Variants in CXCL13 observed in about 807,000 individuals in gnomAD.
CXCL13 encodes the protein C-X-C motif chemokine ligand 13.
CXCL13 carries 7 observed loss-of-function variants against 12.2 expected under a neutral mutation model. The observed-to-expected ratio is 0.57, with a 90% CI of 0.33 to 1.07. The LOEUF (loss-of-function observed/expected upper bound fraction) is 1.07, where lower values mean the gene tolerates loss of function less well. Ranked by LOEUF, CXCL13 falls within the 50% of genes least tolerant of loss-of-function variation. The probability of loss-of-function intolerance (pLI) is 0.04; values close to 1 mark genes in which losing one functional copy is unlikely to be tolerated. For synonymous variants in CXCL13, 47 were observed against 42.4 expected, an observed-to-expected ratio of 1.11 and a Z score of -0.42; for missense variants, 113 against 127.4, an observed-to-expected ratio of 0.89 and a Z score of 0.55.
At chr4:77,558,216 C>T (rs1165032390) in intron 1 of CXCL13, among the ~76,000 whole-genome samples, 4 of 152,226 alleles carry the variant, frequency 2.6e-5, no homozygotes. Flanking sequence ...AGCAACTTAA[C>T]CCTAGGTATA....
At chr4:77,597,078 A>G (rs748727368) in intron 1 of CXCL13, among the ~76,000 whole-genome samples, 1 of 152,222 alleles carries the variant, frequency 6.6e-6, no homozygotes, top group Non-Finnish European at 1.5e-5. Context: ...AGCATATTGC[A>G]TAATCTCACT....
intron 1 of CXCL13, among the ~76,000 whole-genome samples, chr4:77,553,954 A>T (rs1186521827): frequency 1.3e-5 from 2 of 152,222 alleles, no homozygotes; most frequent in Non-Finnish European, 2.9e-5. Context: ...CTGATGCCAC[A>T]TGGAAGAGGA....
intron 1 of CXCL13, among the ~76,000 whole-genome samples, chr4:77,598,620 A>C (rs1171656014): frequency 6.6e-6 from 1 of 152,216 alleles, no homozygotes; most frequent in Non-Finnish European, 1.5e-5. Flanking sequence ...AAGATGCCTC[A>C]TGAGAGATGC....
At chr4:77,588,736 C>G (rs1416134956) in intron 1 of CXCL13, among the ~76,000 whole-genome samples, 1 of 152,130 alleles carries the variant, frequency 6.6e-6, no homozygotes, top group East Asian at 1.9e-4. Flanking sequence ...TTCTCTGGTT[C>G]TTTTCCTGGA....
intron 1 of CXCL13, among the ~76,000 whole-genome samples, chr4:77,575,624 A>G (rs574956077): frequency 2.6e-5 from 4 of 151,910 alleles, no homozygotes; most frequent in South Asian, 4.2e-4. Context: ...AAGGACATGA[A>G]TGCATCTTTT....
At chr4:77,518,942 G>A (rs1389539374) in intron 1 of CXCL13, among the ~76,000 whole-genome samples, 1 of 152,270 alleles carries the variant, frequency 6.6e-6, no homozygotes, top group South Asian at 2.1e-4. Flanking sequence ...TTTGGACTTT[G>A]ATGATGGTGA....
At chr4:77,610,005 G>A (rs191158187) in intron 2 of CXCL13, among the ~76,000 whole-genome samples, 11 of 152,342 alleles carry the variant, frequency 7.2e-5, no homozygotes, top group African/African-American at 1.2e-4. Flanking sequence ...AGTGCCTGGT[G>A]TGTTATAAGT....
intron 1 of CXCL13, among the ~76,000 whole-genome samples, chr4:77,549,555 C>A (rs985411926): frequency 4.6e-5 from 7 of 152,206 alleles, no homozygotes; most frequent in African/African-American, 1.7e-4. Context: ...TGGTGCTATT[C>A]CTTTCTGTTT....
At chr4:77,565,592 G>A (rs1051549763) in intron 1 of CXCL13, among the ~76,000 whole-genome samples, 13 of 152,144 alleles carry the variant, frequency 8.5e-5, no homozygotes, top group African/African-American at 3.1e-4. Context: ...TTCCTTTCAG[G>A]TAGGAGCCAG....
intron 1 of CXCL13, among the ~76,000 whole-genome samples, chr4:77,541,387 C>T (rs1348819690): frequency 1.3e-5 from 2 of 151,668 alleles, no homozygotes; most frequent in African/African-American, 4.8e-5. Flanking sequence ...AATTTGGGGT[C>T]TTACATTTAA....
At position 77,611,323 on chromosome 4, in the gene CXCL13, A is replaced by G; in HGVS notation, c.*284A>G. ...TAATACAGGATTATTTTGATTATAT[A>G]CTTGTTGTTTAATGTTTAAAATTTC... On this transcript the variant is annotated 3_prime_UTR_variant, in exon 4 of 4. Coordinates refer to ENST00000682537, the MANE Select transcript of CXCL13 (RefSeq NM_001371558.1). The G allele has an allele frequency of 2.7e-6, 1 of 366,836 alleles. No individual in the cohort carries two copies. The highest frequency in any genetic ancestry group is 4.8e-6 in the Non-Finnish European group (1 of 207,440). The allele number at this position is 366,836 out of a possible 1,614,324, so 22.7% of individuals were successfully genotyped here. A position where few individuals can be genotyped will look rare whatever the true frequency, so the allele number is the denominator to read the frequency against.
intron 1 of CXCL13, among the ~76,000 whole-genome samples, chr4:77,544,474 G>C (rs1379150852): frequency 6.6e-6 from 1 of 152,144 alleles, no homozygotes; most frequent in Non-Finnish European, 1.5e-5. Context: ...TTGTGGTTTT[G>C]ATTTGCATTT....
chr4:77,544,479 G>A (rs1725301278), intron 1 of CXCL13, among the ~76,000 whole-genome samples: 1 of 152,154 alleles, frequency 6.6e-6, no homozygotes, highest in African/African-American at 2.4e-5. Context: ...GTTTTGATTT[G>A]CATTTCTCTG....
chr4:77,575,301 A>AT (rs1262873914), intron 1 of CXCL13, among the ~76,000 whole-genome samples: 1 of 151,906 alleles, frequency 6.6e-6, no homozygotes, highest in East Asian at 1.9e-4. Flanking sequence ...CAACTTTTTT[A>AT]TTTTTTTATT....
intron 1 of CXCL13, among the ~76,000 whole-genome samples, chr4:77,524,313 G>T (rs1039380600): frequency 6.6e-6 from 1 of 152,196 alleles, no homozygotes; most frequent in Non-Finnish European, 1.5e-5. Flanking sequence ...GCTGCCTTTT[G>T]TTCAGCTATC....
chr4:77,588,487 C>T (rs1438217933), intron 1 of CXCL13, among the ~76,000 whole-genome samples: 1 of 152,220 alleles, frequency 6.6e-6, no homozygotes, highest in African/African-American at 2.4e-5. Context: ...AGTTGTTCCT[C>T]TTTGTAGCAC....
intron 1 of CXCL13, among the ~76,000 whole-genome samples, chr4:77,565,982 C>A (rs1370742701): frequency 1.3e-5 from 2 of 152,178 alleles, no homozygotes; most frequent in Non-Finnish European, 2.9e-5. Flanking sequence ...AGGATAGGAA[C>A]CTGGTTTTCT....
chr4:77,597,763 T>G (rs1352838024), intron 1 of CXCL13, among the ~76,000 whole-genome samples: 3 of 152,146 alleles, frequency 2.0e-5, no homozygotes, highest in Non-Finnish European at 4.4e-5. Context: ...ATCTGCTCTG[T>G]GGCCACATTC....
At chr4:77,571,932 C>A (rs1172893185) in intron 1 of CXCL13, among the ~76,000 whole-genome samples, 2 of 151,630 alleles carry the variant, frequency 1.3e-5, no homozygotes, top group African/African-American at 4.9e-5. Flanking sequence ...AGATGTGCTG[C>A]CTTAAGAGCT....
Sources: allele counts gnomAD v4.1 joint callset (sites outside exome capture counted in the v4.1 genomes callset), GRCh38; gene constraint gnomAD v4.1.1; transcripts MANE v1.5; gene names NCBI Gene and HGNC (gene_info 2026-07-23, HGNC 2026-07-21).